Variants in NSUN6 observed in about 807,000 individuals in gnomAD.
The protein encoded by NSUN6 is tRNA (cytosine(72)-C(5))-methyltransferase NSUN6.
In NSUN6, 64 loss-of-function variants were observed where a neutral mutation model predicts 58.0. The ratio of observed to expected loss-of-function variants is 1.10; its 90% CI spans 0.90 to 1.36. The LOEUF (loss-of-function observed/expected upper bound fraction) is 1.36, where lower values mean the gene tolerates loss of function less well. NSUN6 is among the 40% of genes most tolerant of loss of function. The probability of loss-of-function intolerance (pLI) is 0.00; values close to 1 mark genes in which losing one functional copy is unlikely to be tolerated. For synonymous variants in NSUN6, 231 were observed against 193.9 expected (o/e 1.19, Z -1.59); for missense variants, 701 against 550.1 (o/e 1.27, Z -2.74).
chr10:18,658,614 T>C (rs1275607678), upstream of NSUN6: 3 of 951,520 alleles, frequency 3.2e-6, no homozygotes, highest in East Asian at 3.4e-4. Flanking sequence ...GGGTGCTATG[T>C]GTTATTATTA....
intron 3 of NSUN6, among the ~76,000 whole-genome samples, chr10:18,642,082 A>G (rs2059406469): frequency 6.6e-6 from 1 of 152,180 alleles, no homozygotes; most frequent in Non-Finnish European, 1.5e-5. Flanking sequence ...ATAAAATTTT[A>G]CAAACATATC....
upstream of NSUN6, among the ~76,000 whole-genome samples, chr10:18,656,596 G>A (rs569553144): frequency 6.6e-6 from 1 of 152,264 alleles, no homozygotes; most frequent in East Asian, 1.9e-4. Flanking sequence ...TTCAATTACA[G>A]CTACAGCTAG....
At chr10:18,552,812 A>C (rs1310512363) in intron 8 of NSUN6, among the ~76,000 whole-genome samples, 1 of 137,912 alleles carries the variant, frequency 7.3e-6, no homozygotes, top group African/African-American at 2.5e-5. Flanking sequence ...CAAATTCCCT[A>C]ATCAATTCCA....
rs559046414 is a variant in NSUN6, at chr10:18,558,071, G to A, written c.923-6100C>T. On this transcript the variant is annotated intron_variant, in intron 8 of 10. Transcript: ENST00000377304. ...GGAATGGAATGCAGAATGGAATAGA[G>A]AATGGAATGGAATGAAGAATGGAGA... Among the ~76,000 whole-genome samples, 9 of 150,498 alleles carry A rather than the reference G, an allele frequency of 6.0e-5. No homozygotes were observed. In the South Asian group the frequency reaches 1.9e-3, roughly 32 times the overall value.
In NSUN6 at chr10:18,625,670, G is replaced by A. The variant is rs544916739; in HGVS notation, c.312-9377C>T. Among the ~76,000 whole-genome samples, 7 of 133,040 alleles carry A rather than the reference G, an allele frequency of 5.3e-5. No individual in the cohort carries two copies. In the East Asian group the frequency reaches 7.2e-4, roughly 14 times the overall value. The allele number at this position is 133,040 out of a possible 152,430, so 87.3% of individuals were successfully genotyped here. A position where few individuals can be genotyped will look rare whatever the true frequency, so the allele number is the denominator to read the frequency against. On this transcript the variant is annotated intron_variant, in intron 3 of 10. Coordinates refer to ENST00000377304, the MANE Select transcript of NSUN6 (RefSeq NM_182543.5). ...AAAAGCTGCAGTGAGCCGAGATCGC[G>A]CCACTGCACTCCAGCCTGGGTGACA...
chr10:18,630,633 G>A (rs1480555261), intron 3 of NSUN6, among the ~76,000 whole-genome samples: 1 of 152,158 alleles, frequency 6.6e-6, no homozygotes, highest in African/African-American at 2.4e-5. Flanking sequence ...ACACCTCTAA[G>A]CAAATAAACT....
chr10:18,558,804 G>A (rs2055252346), intron 8 of NSUN6, among the ~76,000 whole-genome samples: 1 of 150,372 alleles, frequency 6.7e-6, no homozygotes, highest in Non-Finnish European at 1.5e-5. Flanking sequence ...ATGGACAATG[G>A]AATGGAAGGG....
chr10:18,604,560 C>A (rs2057973110), intron 6 of NSUN6, among the ~76,000 whole-genome samples: 2 of 151,966 alleles, frequency 1.3e-5, no homozygotes, highest in African/African-American at 2.4e-5. Flanking sequence ...TTTAACAAAT[C>A]CCACAAGATT....
At chr10:18,573,080 T>C (rs1204525077) in intron 8 of NSUN6, among the ~76,000 whole-genome samples, 1 of 150,872 alleles carries the variant, frequency 6.6e-6, no homozygotes, top group Admixed American at 6.6e-5. Flanking sequence ...CATTCTCCGT[T>C]CCACTCCATT....
chr10:18,643,554 A>G, intron 2 of NSUN6, among the ~76,000 whole-genome samples: 1 of 152,296 alleles, frequency 6.6e-6, no homozygotes. Flanking sequence ...TTTAGAAATA[A>G]AACTTCATAT....
Position 18,651,413 on chromosome 10 carries a change from CTCA to C in NSUN6, c.-213_-211del. The C allele has an allele frequency of 8.0e-7, 1 of 1,256,724 alleles. No individual in the cohort carries two copies. The highest frequency in any genetic ancestry group is 3.4e-5 in the East Asian group (1 of 29,614). 77.8% of individuals were successfully genotyped at this position (1,256,724 alleles called of 1,614,324 possible). ...AGGGGCTGCCGGGCTTCCACCACAC[CTCA>C]TCGAGGCAATGTTTTCTGGTAGAGA... is the stretch of plus-strand genomic sequence containing the variant. On this transcript the variant is annotated 5_prime_UTR_variant, in exon 1 of 11. It removes an upstream start codon present in the reference 5' UTR. Coordinates refer to ENST00000377304, the MANE Select transcript of NSUN6 (RefSeq NM_182543.5).
chr10:18,622,344 G>A (rs749703112), intron 3 of NSUN6, among the ~76,000 whole-genome samples: 2 of 152,126 alleles, frequency 1.3e-5, no homozygotes, highest in African/African-American at 2.4e-5. Flanking sequence ...ACTGGCACAC[G>A]TCGTGGATTT....
Position 18,632,734 on chromosome 10 carries a change from A to G in NSUN6, c.311+9742T>C, listed in dbSNP as rs2059078314. On this transcript the variant is annotated intron_variant, in intron 3 of 10. Coordinates refer to ENST00000377304, the MANE Select transcript of NSUN6 (RefSeq NM_182543.5). ...CCATCTCACACCCGTTAGAATGGCA[A>G]TCATTAAAAAGTCAGGAAACAACAG... 3.9e-5 allele frequency among the ~76,000 whole-genome samples: 6 copies of G among 152,332 alleles called. No individual in the cohort carries two copies. In the South Asian group the frequency reaches 8.3e-4, roughly 21 times the overall value.
intron 8 of NSUN6, among the ~76,000 whole-genome samples, chr10:18,566,984 T>C (rs528084041): frequency 1.3e-5 from 2 of 151,300 alleles, no homozygotes; most frequent in East Asian, 3.9e-4. Flanking sequence ...TTCCATTCTA[T>C]TCACCACTGC....
intron 3 of NSUN6, among the ~76,000 whole-genome samples, chr10:18,641,004 A>G (rs1384015615): frequency 6.6e-6 from 1 of 152,156 alleles, no homozygotes; most frequent in Non-Finnish European, 1.5e-5. Context: ...AAATAAATAT[A>G]CATAAATCCA....
chr10:18,600,976 A>ATATATACACATATATATATATATATATG (rs1258087339), intron 6 of NSUN6, among the ~76,000 whole-genome samples: 1 of 101,822 alleles, frequency 9.8e-6, no homozygotes, highest in African/African-American at 3.8e-5. Context: ...ATATATATAT[A>ATATATACACATATATATATATATATATG]TGTATATATA....
chr10:18,598,911 T>A (rs1026827199), intron 6 of NSUN6, among the ~76,000 whole-genome samples: 11 of 152,178 alleles, frequency 7.2e-5, no homozygotes, highest in Admixed American at 2.6e-4. Flanking sequence ...CATTAATGGA[T>A]TGGCCAAAGA....
At chr10:18,583,218 T>C (rs1345709258) in intron 8 of NSUN6, among the ~76,000 whole-genome samples, 1 of 152,224 alleles carries the variant, frequency 6.6e-6, no homozygotes, top group Admixed American at 6.5e-5. Context: ...ACGCATCTTG[T>C]AACCCCCTCC....
chr10:18,635,866 A>G (rs1167292252), intron 3 of NSUN6, among the ~76,000 whole-genome samples: 1 of 151,172 alleles, frequency 6.6e-6, no homozygotes, highest in Non-Finnish European at 1.5e-5. Context: ...TTTTAAAAAA[A>G]AAAGACAAAG....
Sources: allele counts gnomAD v4.1 joint callset (sites outside exome capture counted in the v4.1 genomes callset), GRCh38; gene constraint gnomAD v4.1.1; transcripts MANE v1.5; gene names NCBI Gene and HGNC (gene_info 2026-07-23, HGNC 2026-07-21).